NFATC3: variants seen among roughly 807,000 people sequenced by gnomAD.
The protein encoded by NFATC3 is nuclear factor of activated T cells 3.
A neutral mutation model predicts 98.6 loss-of-function variants in NFATC3; 46 were observed. The observed-to-expected ratio is 0.47, with a 90% CI of 0.37 to 0.60. NFATC3 has a LOEUF of 0.60. Ranked by LOEUF, NFATC3 falls within the 20% of genes least tolerant of loss-of-function variation. The pLI, the probability that NFATC3 is intolerant of heterozygous loss-of-function variation, is 0.00. For synonymous variants in NFATC3, 512 were observed against 472.2 expected (o/e 1.08, Z -1.09); for missense variants, 1,256 against 1,295.5 (o/e 0.97, Z 0.47).
intron 9 of NFATC3, chr16:68,224,961 T>C (rs999773316): frequency 3.9e-5 from 6 of 152,122 alleles, no homozygotes; most frequent in Admixed American, 2.6e-4. Context: ...GATTGATTGA[T>C]TGATTTTTTG....
chr16:68,120,068 A>G (rs575787526), intron 1 of NFATC3, among the ~76,000 whole-genome samples: 44 of 151,092 alleles, frequency 2.9e-4, no homozygotes, highest in Middle Eastern at 3.4e-3. Flanking sequence ...GCCTGAGCCC[A>G]GGAGTTCAAG....
intron 4 of NFATC3, among the ~76,000 whole-genome samples, chr16:68,161,050 T>C (rs955610957): frequency 6.6e-6 from 1 of 152,210 alleles, no homozygotes; most frequent in African/African-American, 2.4e-5. Context: ...TTTATTCAGA[T>C]ACTCGAGCAA....
intron 1 of NFATC3, among the ~76,000 whole-genome samples, chr16:68,119,680 C>G (rs1438914892): frequency 6.6e-6 from 1 of 152,116 alleles, no homozygotes; most frequent in Non-Finnish European, 1.5e-5. Context: ...AGAAGGCTTT[C>G]CAGACTTTCC....
rs370621770 is a variant in NFATC3 at position 68,198,220 on chromosome 16, A to T, written c.3106+6445A>T. ...GTAATACCAGCTACTTGGGAGGCTG[A>T]AGTGGGAAGATTGCTTGAGCCCAGG... On this transcript the variant is annotated intron_variant, in intron 9 of 9. Transcript: ENST00000346183. 9.9e-5 allele frequency among the ~76,000 whole-genome samples: 15 copies of T among 152,238 alleles called. No individual in the cohort carries two copies. The East Asian group carries it at 2.5e-3, about 25-fold the overall frequency.
rs533720137 is a variant in NFATC3 at position 68,091,251 on chromosome 16, G to A, written c.103+5467G>A. Among the ~76,000 whole-genome samples the A allele has an allele frequency of 2.0e-5, 3 of 152,236 alleles. No homozygotes were observed. In the East Asian group the frequency reaches 5.8e-4, roughly 29 times the overall value. ...ATTATATACATAGCCAAGAAGTTGT[G>A]GGGGTTAAGTAAGGCCTGTATCTTA... On this transcript the variant is annotated intron_variant, in intron 1 of 9. Transcript: ENST00000346183.
At chr16:68,159,934 T>G (rs2038809318) in intron 4 of NFATC3, among the ~76,000 whole-genome samples, 1 of 151,508 alleles carries the variant, frequency 6.6e-6, no homozygotes, top group African/African-American at 2.4e-5. Context: ...AAAAATTACC[T>G]GGGTGTGGTG....
In NFATC3 at chr16:68,122,233, C is replaced by A; in HGVS notation, c.350C>A (p.Ser117Tyr). 6.2e-7 allele frequency: 1 copy of A among 1,614,152 alleles called. No individual in the cohort carries two copies. The highest frequency in any genetic ancestry group is 8.5e-7 in the Non-Finnish European group (1 of 1,180,030). ...ECPSIQITSI[S>Y]PNCHQELDAH... ...CCAAGTATTCAAATTACATCTATCT[C>A]TCCTAACTGTCATCAAGAATTAGAT... Residue 117 changes from serine (S) to tyrosine (Y), a missense_variant, in exon 2 of 10, where the codon TCT becomes TAT. Coordinates refer to ENST00000346183, the MANE Select transcript of NFATC3 (RefSeq NM_173165.3).
intron 1 of NFATC3, among the ~76,000 whole-genome samples, chr16:68,109,886 G>A (rs2035854603): frequency 6.6e-6 from 1 of 151,998 alleles, no homozygotes; most frequent in Non-Finnish European, 1.5e-5. Flanking sequence ...TATTCTCTGT[G>A]GTGGTTTGTA....
chr16:68,089,333 A>G (rs2034574973), intron 1 of NFATC3: 8 of 959,464 alleles, frequency 8.3e-6, no homozygotes, highest in Non-Finnish European at 9.9e-6. Context: ...TGTTGTATAC[A>G]TTTGTGACTG....
intron 6 of NFATC3, among the ~76,000 whole-genome samples, chr16:68,177,935 A>G (rs1462034143): frequency 6.6e-6 from 1 of 152,114 alleles, no homozygotes; most frequent in African/African-American, 2.4e-5. Context: ...TCACCTAAAA[A>G]TTTGACAGCC....
chr16:68,192,962 G>T (rs886147746), intron 9 of NFATC3, among the ~76,000 whole-genome samples: 2 of 152,196 alleles, frequency 1.3e-5, no homozygotes, highest in African/African-American at 2.4e-5. Flanking sequence ...AGTTTTGGAG[G>T]ATGAGTACAG....
intron 9 of NFATC3, among the ~76,000 whole-genome samples, chr16:68,219,082 C>T (rs2041753106): frequency 6.6e-6 from 1 of 150,918 alleles, no homozygotes; most frequent in Non-Finnish European, 1.5e-5. Flanking sequence ...TGTCTCTATC[C>T]TCCCCAAAAA....
At position 68,122,447 on chromosome 16, in the gene NFATC3, T is replaced by A; in HGVS notation, c.564T>A (p.Ile188=). The A allele has an allele frequency of 6.2e-7, 1 of 1,614,100 alleles. No individual in the cohort carries two copies. The highest frequency in any genetic ancestry group is 8.5e-7 in the Non-Finnish European group (1 of 1,180,010). The change falls in exon 2 of 10, where the codon ATT becomes ATA. Residue 188 remains isoleucine, a synonymous_variant. Transcript: ENST00000346183. ...CTTCTTGTGAATCGCTTTCACATAT[T>A]TATGATGATGTGGACTCAGAGTTGA... is the stretch of plus-strand genomic sequence containing the variant. ...DASSCESLSH[I]YDDVDSELNE... is the part of the protein sequence containing the mutation.
In NFATC3 at chr16:68,085,684, GACT is replaced by G; in HGVS notation, c.7_9del (p.Thr3del). 1 of 1,513,844 alleles carries G rather than the reference GACT, an allele frequency of 6.6e-7. No homozygotes were observed. The highest frequency in any genetic ancestry group is 2.8e-5 in the East Asian group (1 of 35,806). The allele number at this position is 1,513,844 out of a possible 1,614,324, so 93.8% of individuals were successfully genotyped here. A position where few individuals can be genotyped will look rare whatever the true frequency, so the allele number is the denominator to read the frequency against. On this transcript the variant is annotated inframe_deletion, in exon 1 of 10. Coordinates refer to ENST00000346183, the MANE Select transcript of NFATC3 (RefSeq NM_173165.3). ...CTGCAGCACCCTGGGCCACGCCGAT[GACT>G]ACTGCAAACTGTGGCGCCCACGACG...
chr16:68,138,439 A>C (rs1186223247), intron 3 of NFATC3: 2 of 1,130,172 alleles, frequency 1.8e-6, no homozygotes, highest in Non-Finnish European at 2.3e-6. Flanking sequence ...ATAATCCCCA[A>C]TTCTCAGTGG....
chr16:68,208,031 A>G (rs1386113443), intron 9 of NFATC3, among the ~76,000 whole-genome samples: 1 of 151,506 alleles, frequency 6.6e-6, no homozygotes, highest in South Asian at 2.1e-4. Context: ...CAAATCCTTT[A>G]TTTTATTTAT....
At chr16:68,130,764 T>G (rs2037073883) in intron 3 of NFATC3, among the ~76,000 whole-genome samples, 1 of 152,164 alleles carries the variant, frequency 6.6e-6, no homozygotes, top group African/African-American at 2.4e-5. Flanking sequence ...TCTAGTAGTT[T>G]TTTAGTTTTG....
chr16:68,135,497 G>A (rs991276118), intron 3 of NFATC3, among the ~76,000 whole-genome samples: 1 of 148,532 alleles, frequency 6.7e-6, no homozygotes, highest in South Asian at 2.1e-4. Context: ...ACTGAATTGT[G>A]TACTTGTTGC....
intron 3 of NFATC3, among the ~76,000 whole-genome samples, chr16:68,148,006 GATTT>G (rs934675892): frequency 1.3e-5 from 2 of 151,766 alleles, no homozygotes; most frequent in Non-Finnish European, 2.9e-5. Context: ...ATTTATTTAG[GATTT>G]ATTTATTTAT....
Sources: gnomAD v4.1 joint callset for allele counts (sites outside exome capture counted in the v4.1 genomes callset) on GRCh38, gnomAD v4.1.1 for gene constraint, MANE v1.5 for transcripts, NCBI Gene and HGNC (gene_info 2026-07-23, HGNC 2026-07-21) for gene names.